The following PRKCA variants were observed in gnomAD, a reference collection of about 807,000 sequenced individuals.
PRKCA encodes the protein protein kinase C alpha type.
In PRKCA, 27 loss-of-function variants were observed where a neutral mutation model predicts 87.0. That is an observed-to-expected ratio of 0.31 (90% confidence interval 0.23 to 0.43). PRKCA has a LOEUF of 0.43. Among genes scored for constraint, PRKCA ranks in the 20% least tolerant of loss-of-function variants. PRKCA has a pLI of 1.00. For missense variants in PRKCA, 518 were observed against 852.3 expected, an observed-to-expected ratio of 0.61 and a Z score of 4.88; for synonymous variants, 329 against 311.1, an observed-to-expected ratio of 1.06 and a Z score of -0.61.
chr17:66,405,717 C>T (rs4622544), intron 2 of PRKCA, among the ~76,000 whole-genome samples: 127,080 of 151,978 alleles, frequency 0.84, 53,566 homozygotes, highest in South Asian at 0.94. Context: ...TTCCTTTACA[C>T]GTAAAATTAA....
intron 2 of PRKCA, among the ~76,000 whole-genome samples, chr17:66,394,765 T>C (rs1910562723): frequency 1.3e-5 from 2 of 152,144 alleles, no homozygotes; most frequent in Admixed American, 1.3e-4. Context: ...TGATAGTGAG[T>C]TCTCACGAGA....
At chr17:66,752,244 A>C (rs960215762) in intron 13 of PRKCA, among the ~76,000 whole-genome samples, 1 of 152,214 alleles carries the variant, frequency 6.6e-6, no homozygotes, top group African/African-American at 2.4e-5. Flanking sequence ...ATTATTTGGC[A>C]GTTGTTTCAA....
At chr17:66,497,837 C>T (rs891488387) in intron 3 of PRKCA, among the ~76,000 whole-genome samples, 1 of 152,140 alleles carries the variant, frequency 6.6e-6, no homozygotes, top group Non-Finnish European at 1.5e-5. Flanking sequence ...TTCCGATTTG[C>T]GTTGTTGTAA....
At chr17:66,449,894 A>C (rs1216040765) in intron 2 of PRKCA, among the ~76,000 whole-genome samples, 1 of 152,084 alleles carries the variant, frequency 6.6e-6, no homozygotes, top group African/African-American at 2.4e-5. Flanking sequence ...TTGTTCTGCC[A>C]TGCGCTTCAG....
chr17:66,355,523 G>A (rs1907997006), intron 2 of PRKCA, among the ~76,000 whole-genome samples: 1 of 151,392 alleles, frequency 6.6e-6, no homozygotes, highest in Non-Finnish European at 1.5e-5. Context: ...GAGTTTTTTT[G>A]TACATCCAAA....
intron 16 of PRKCA, among the ~76,000 whole-genome samples, chr17:66,802,870 C>T (rs934251437): frequency 6.6e-6 from 1 of 152,216 alleles, no homozygotes; most frequent in African/African-American, 2.4e-5. Flanking sequence ...CCCTGTGGTG[C>T]TAGCAGCAGG....
chr17:66,515,271 CAAA>C (rs71367172), intron 3 of PRKCA, among the ~76,000 whole-genome samples: 3 of 96,460 alleles, frequency 3.1e-5, no homozygotes, highest in Non-Finnish European at 2.0e-5. Context: ...GACTCTGTCT[CAAA>C]AAAAAAAAAA....
intron 5 of PRKCA, among the ~76,000 whole-genome samples, chr17:66,682,659 TAAA>T (rs113576823): frequency 6.6e-6 from 1 of 151,934 alleles, no homozygotes; most frequent in Non-Finnish European, 1.5e-5. Context: ...ATAGATCTTT[TAAA>T]AAAAAACTCA....
chr17:66,738,699 G>A, intron 10 of PRKCA, 65 bp from the exon 11 acceptor site: 2 of 1,303,050 alleles, frequency 1.5e-6, no homozygotes, highest in Non-Finnish European at 2.2e-6. Flanking sequence ...CACAACCTGT[G>A]AAGAGCAAAG....
At chr17:66,388,396 G>A (rs1910184864) in intron 2 of PRKCA, among the ~76,000 whole-genome samples, 1 of 151,974 alleles carries the variant, frequency 6.6e-6, no homozygotes, top group Non-Finnish European at 1.5e-5. Flanking sequence ...CCAGGTTCAA[G>A]CGATTCTCTT....
At chr17:66,414,519 C>T (rs960353364) in intron 2 of PRKCA, among the ~76,000 whole-genome samples, 2 of 152,156 alleles carry the variant, frequency 1.3e-5, no homozygotes, top group Non-Finnish European at 2.9e-5. Context: ...TTCCTTATAG[C>T]AATGAGAGAA....
chr17:66,321,965 T>G (rs1260132363), intron 2 of PRKCA, among the ~76,000 whole-genome samples: 1 of 152,204 alleles, frequency 6.6e-6, no homozygotes, highest in Admixed American at 6.5e-5. Flanking sequence ...ACAACTGGAG[T>G]TCTTTCTCAT....
At chr17:66,313,702 GAGTAGT>G (rs1320839137) in intron 2 of PRKCA, among the ~76,000 whole-genome samples, 1 of 152,162 alleles carries the variant, frequency 6.6e-6, no homozygotes, top group African/African-American at 2.4e-5. Flanking sequence ...GCTCCAGAGG[GAGTAGT>G]AGCTCAACTT....
At chr17:66,646,646 A>T (rs578010015) in intron 5 of PRKCA, among the ~76,000 whole-genome samples, 129 of 152,264 alleles carry the variant, frequency 8.5e-4, no homozygotes, top group Non-Finnish European at 1.3e-3. Flanking sequence ...GTTTAGGAGG[A>T]TCTGTTTTAA....
chr17:66,712,318 T>A (rs11079666), intron 8 of PRKCA, among the ~76,000 whole-genome samples: 83,282 of 151,984 alleles, frequency 0.55, 23,123 homozygotes, highest in African/African-American at 0.6. Context: ...TGGAACCCTA[T>A]TTGGGACCCA....
chr17:66,765,375 C>T (rs1395402785), intron 13 of PRKCA, among the ~76,000 whole-genome samples: 5 of 127,688 alleles, frequency 3.9e-5, no homozygotes, highest in Non-Finnish European at 1.6e-5. Context: ...ATCGTGTCAT[C>T]GTGTCACTGC....
chr17:66,331,008 A>G (rs977497439), intron 2 of PRKCA, among the ~76,000 whole-genome samples: 1 of 152,220 alleles, frequency 6.6e-6, no homozygotes, highest in African/African-American at 2.4e-5. Context: ...GCAACTCCAT[A>G]AATTAACAAG....
chr17:66,375,228 T>C (rs913948541), intron 2 of PRKCA, among the ~76,000 whole-genome samples: 4 of 152,108 alleles, frequency 2.6e-5, no homozygotes, highest in Admixed American at 2.0e-4. Flanking sequence ...ATGAAATCAG[T>C]CCAGTTGTAA....
In PRKCA at chr17:66,469,094, C is replaced by T. The variant is rs556889139; in HGVS notation, c.206-27107C>T. 1.4e-4 allele frequency among the ~76,000 whole-genome samples: 21 copies of T among 152,280 alleles called. No homozygotes were observed. The East Asian group carries it at 3.3e-3, about 24-fold the overall frequency. On this transcript the variant is annotated intron_variant, in intron 2 of 16. Coordinates refer to ENST00000413366, the MANE Select transcript of PRKCA (RefSeq NM_002737.3). ...ATGCCTTATTCCCTCGAAATGCAAA[C>T]GAGGCTCCATGGCCACAGTTTCCTT... is the stretch of plus-strand genomic sequence containing the variant.
Sources: gnomAD v4.1 joint callset for allele counts (sites outside exome capture counted in the v4.1 genomes callset) on GRCh38, gnomAD v4.1.1 for gene constraint, MANE v1.5 for transcripts, NCBI Gene and HGNC (gene_info 2026-07-23, HGNC 2026-07-21) for gene names.